Variants in LRRC9 observed in about 807,000 individuals in gnomAD.
The protein encoded by LRRC9 is leucine-rich repeat-containing protein 9.
LRRC9 carries 122 observed loss-of-function variants against 63.2 expected under a neutral mutation model. The observed-to-expected ratio is 1.93, with a 90% CI of 1.67 to 2.24. The LOEUF (loss-of-function observed/expected upper bound fraction) is 2.24. Among genes scored for constraint, LRRC9 ranks in the 30% most tolerant of loss-of-function variants. LRRC9 has a pLI of 0.00. For missense variants in LRRC9, 1,071 were observed against 627.7 expected (o/e 1.71, Z -7.55); for synonymous variants, 366 against 213.1 (o/e 1.72, Z -6.25).
Position 60,051,289 on chromosome 14 carries a change from C to G in LRRC9, c.3991-1776C>G, listed in dbSNP as rs1256596104. ...TAAGACTGGCTGGAGTGACTCCAGG[C>G]CCCCCACAAGGGGGCCCCGCCCAGT... On this transcript the variant is annotated intron_variant, in intron 29 of 31. Transcript: ENST00000445360. This position sits in a 1 kb window ranked among gnomAD's most constrained non-coding sequence, Gnocchi z 4.7. Among the ~76,000 whole-genome samples the G allele has an allele frequency of 6.6e-6, 1 of 152,156 alleles. No individual in the cohort carries two copies. The highest frequency in any genetic ancestry group is 1.5e-5 in the Non-Finnish European group (1 of 68,014).
At chr14:60,007,754 G>A (rs1889931742) in intron 22 of LRRC9, among the ~76,000 whole-genome samples, 3 of 151,858 alleles carry the variant, frequency 2.0e-5, no homozygotes, top group Admixed American at 2.0e-4. Flanking sequence ...ATACCTAAGT[G>A]GTCTGAAAGG....
exon 16 of LRRC9, chr14:59,981,935 G>T (rs1488548594): frequency 1.4e-6 from 1 of 702,560 alleles, no homozygotes; most frequent in East Asian, 2.7e-5. Flanking sequence ...ATTTTCCAAG[G>T]ATTTGAAATT....
At chr14:59,977,594 G>C (rs1373876984) in intron 14 of LRRC9, among the ~76,000 whole-genome samples, 1 of 151,674 alleles carries the variant, frequency 6.6e-6, no homozygotes, top group African/African-American at 2.4e-5. Flanking sequence ...GTGTGTGTGT[G>C]TGTGTGTGTT....
chr14:59,955,286 A>T (rs539312176), intron 8 of LRRC9, among the ~76,000 whole-genome samples: 32 of 152,034 alleles, frequency 2.1e-4, no homozygotes, highest in African/African-American at 6.7e-4. Flanking sequence ...ACTTCTTTTG[A>T]TTGGTAGGAT....
chr14:59,968,548 A>G (rs896212417), intron 12 of LRRC9, among the ~76,000 whole-genome samples: 3 of 152,124 alleles, frequency 2.0e-5, no homozygotes, highest in African/African-American at 7.2e-5. Flanking sequence ...TATGTAGGGG[A>G]GCTATTGCAG....
At position 59,962,401 on chromosome 14, in the gene LRRC9, T is replaced by C. The variant is rs17096783; in HGVS notation, c.1211+1356T>C. Among the ~76,000 whole-genome samples, 1,574 of 151,996 alleles carry C rather than the reference T, an allele frequency of 0.01. 26 individuals carry two copies. The highest frequency in any genetic ancestry group is 0.036 in the African/African-American group (1,474 of 41,468). Reference sequence around the variant, plus strand: ...GGTGCACATTTATATTCACTCAACCTAAACAGGATTTTTTTTTTTTGAGAT... The same window carrying C: ...GGTGCACATTTATATTCACTCAACCCAAACAGGATTTTTTTTTTTTGAGAT... On this transcript the variant is annotated intron_variant, in intron 10 of 31. Transcript: ENST00000445360. This position sits in a 1 kb window ranked among gnomAD's most constrained non-coding sequence, Gnocchi z 5.1.
chr14:59,963,379 C>T (rs1479593398), intron 10 of LRRC9, among the ~76,000 whole-genome samples: 1 of 151,600 alleles, frequency 6.6e-6, no homozygotes. Context: ...TATTATTTAC[C>T]GATGTGTTGC....
chr14:60,002,107 G>A lies in LRRC9; in HGVS notation c.2664+7G>A. The A allele has an allele frequency of 1.4e-6, 1 of 694,244 alleles. No homozygotes were observed. The highest frequency in any genetic ancestry group is 2.6e-6 in the Non-Finnish European group (1 of 382,066). The allele number at this position is 694,244 out of a possible 1,614,324, so 43.0% of individuals were successfully genotyped here. A position where few individuals can be genotyped will look rare whatever the true frequency, so the allele number is the denominator to read the frequency against. ...TGGAAACTGCTACTTGAAGGTAAAGGCTAATTCTATTAAACCTAATATAAA... is the reference window on the plus strand; with the variant it reads ...TGGAAACTGCTACTTGAAGGTAAAGACTAATTCTATTAAACCTAATATAAA... On this transcript the variant is annotated splice_region_variant and intron_variant, in intron 20 of 31. Coordinates refer to ENST00000445360, the Ensembl canonical transcript of LRRC9.
Position 59,954,303 on chromosome 14 carries a change from G to T in LRRC9, c.883-5515G>T, listed in dbSNP as rs184709914. 9.9e-5 allele frequency among the ~76,000 whole-genome samples: 15 copies of T among 152,252 alleles called. No individual in the cohort carries two copies. In the East Asian group the frequency reaches 2.5e-3, roughly 25 times the overall value. Reference sequence around the variant, plus strand: ...TTCTTCCTATCCATGAGCATGGAATGTTTTTCCATTTTTTTTGTGTCCTCT... The same window carrying T: ...TTCTTCCTATCCATGAGCATGGAATTTTTTTCCATTTTTTTTGTGTCCTCT... On this transcript the variant is annotated intron_variant, in intron 8 of 31. Coordinates refer to ENST00000445360, the Ensembl canonical transcript of LRRC9.
At chr14:60,045,051 C>CTTT (rs200934262) in intron 29 of LRRC9, among the ~76,000 whole-genome samples, 2,396 of 118,822 alleles carry the variant, frequency 0.02, 110 homozygotes, top group African/African-American at 0.059. Context: ...CTTTCCTTGT[C>CTTT]TTTTTTTTTT....
At chr14:60,066,575 T>A (rs1894887920), downstream of LRRC9, among the ~76,000 whole-genome samples, 3 of 152,162 alleles carry the variant, frequency 2.0e-5, 1 homozygote, top group African/African-American at 2.4e-5. Context: ...AAGTGCTAAC[T>A]ATGTGTTCAT....
chr14:60,055,434 T>C (rs989027560), intron 30 of LRRC9, among the ~76,000 whole-genome samples: 4 of 152,238 alleles, frequency 2.6e-5, no homozygotes, highest in Admixed American at 6.5e-5. Flanking sequence ...CCCTTTTTTA[T>C]ATTCCCGAAG....
At chr14:60,025,777 C>T (rs142798967) in intron 27 of LRRC9, among the ~76,000 whole-genome samples, 5 of 151,920 alleles carry the variant, frequency 3.3e-5, no homozygotes, top group Admixed American at 3.3e-4. Flanking sequence ...CTAGATCTAT[C>T]TACCTCCAAA....
At position 60,041,379 on chromosome 14, in the gene LRRC9, G is replaced by A. The variant is rs181179804; in HGVS notation, c.3990+9316G>A. Reference sequence around the variant, plus strand: ...TTTCCAACTTGGTTCCATTCTCCCCGTCACTTTCAGGTACACCAATCACAC... The same window carrying A: ...TTTCCAACTTGGTTCCATTCTCCCCATCACTTTCAGGTACACCAATCACAC... On this transcript the variant is annotated intron_variant, in intron 29 of 31. Transcript: ENST00000445360. Among the ~76,000 whole-genome samples the A allele has an allele frequency of 2.5e-3, 377 of 152,160 alleles. 1 individual carries two copies. Among genetic ancestry groups the A allele is most frequent in the Non-Finnish European group, 4.3e-3 (295 of 68,010 alleles).
At chr14:59,920,864 AT>A (rs1032158995) in intron 1 of LRRC9, among the ~76,000 whole-genome samples, 2 of 152,124 alleles carry the variant, frequency 1.3e-5, no homozygotes, top group Non-Finnish European at 2.9e-5. Flanking sequence ...CCATTAAACA[AT>A]TTTTTTAACA....
chr14:60,061,937 T>C (rs1894680922), intron 31 of LRRC9, 74 bp from the exon 32 acceptor site: 1 of 397,606 alleles, frequency 2.5e-6, no homozygotes, highest in Non-Finnish European at 4.4e-6. Context: ...CTATATTGCT[T>C]AATGCTTATG....
chr14:59,983,230 T>C (rs150177069), intron 16 of LRRC9, among the ~76,000 whole-genome samples: 1 of 152,304 alleles, frequency 6.6e-6, no homozygotes, highest in African/African-American at 2.4e-5. Flanking sequence ...TTGGGTGTTA[T>C]TCATTATATA....
At chr14:60,007,725 T>C (rs1889928058) in intron 22 of LRRC9, among the ~76,000 whole-genome samples, 1 of 152,108 alleles carries the variant, frequency 6.6e-6, no homozygotes, top group South Asian at 2.1e-4. Context: ...ACATAGACCA[T>C]TGAAATACTG....
rs993390065 is a variant in LRRC9, at chr14:59,946,685, T to C, written c.882+1941T>C. Reference sequence around the variant, plus strand: ...CCACTCCTCACCACAGTCCCCAGAGTGTGATATTCCCCTTCCTGTGTCCAT... The same window carrying C: ...CCACTCCTCACCACAGTCCCCAGAGCGTGATATTCCCCTTCCTGTGTCCAT... On this transcript the variant is annotated intron_variant, in intron 8 of 31. Transcript: ENST00000445360. Among the ~76,000 whole-genome samples, 13 of 135,472 alleles carry C rather than the reference T, an allele frequency of 9.6e-5. 1 individual carries two copies. Among genetic ancestry groups the C allele is most frequent in the Admixed American group, 5.6e-4 (7 of 12,576 alleles). The allele number at this position is 135,472 out of a possible 152,430, so 88.9% of individuals were successfully genotyped here. A position where few individuals can be genotyped will look rare whatever the true frequency, so the allele number is the denominator to read the frequency against.
Sources: gnomAD v4.1 joint callset for allele counts (sites outside exome capture counted in the v4.1 genomes callset) on GRCh38, gnomAD v4.1.1 for gene constraint, Gnocchi (gnomAD v3.1) non-coding constraint, MANE v1.5 for transcripts, NCBI Gene and HGNC (gene_info 2026-07-23, HGNC 2026-07-21) for gene names.